EPG5: variants seen among roughly 807,000 people sequenced by gnomAD.
EPG5 encodes the protein ectopic P-granules 5 autophagy tethering factor, also known as ectopic P granules protein 5 homolog.
Under a neutral mutation model 302.7 loss-of-function variants are expected in EPG5, and 159 were observed. The observed-to-expected ratio is 0.53, with a 90% CI of 0.46 to 0.60. The LOEUF is 0.60. Among genes scored for constraint, EPG5 ranks in the 20% least tolerant of loss-of-function variants. The pLI is 0.00. For missense variants in EPG5, 2,896 were observed against 3,092.4 expected (o/e 0.94, Z 1.51); for synonymous variants, 1,158 against 1,136.8 (o/e 1.02, Z -0.37).
chr18:45,885,760 G>GA (rs1180297294), intron 29 of EPG5, among the ~76,000 whole-genome samples: 1 of 151,868 alleles, frequency 6.6e-6, no homozygotes, highest in Non-Finnish European at 1.5e-5. Context: ...AAAATTAAAG[G>GA]AAAAAAATGA....
rs1234606751 is a variant in EPG5, at chr18:45,858,860, T to C, written c.7010-78A>G. The C allele has an allele frequency of 2.6e-6, 3 of 1,141,512 alleles. No homozygotes were observed. The Admixed American group carries it at 6.6e-5, about 25-fold the overall frequency. The allele number at this position is 1,141,512 out of a possible 1,614,324, so 70.7% of individuals were successfully genotyped here. ...ACAACTCTAGCAAATATTTTCACTT[T>C]AAGCTTCATGATTTTTTTTTTTGAC... On this transcript the variant is annotated intron_variant, in intron 40 of 43. Transcript: ENST00000282041.
intron 24 of EPG5, among the ~76,000 whole-genome samples, chr18:45,906,078 C>T (rs1419409331): frequency 6.6e-6 from 1 of 152,140 alleles, no homozygotes; most frequent in Non-Finnish European, 1.5e-5. Context: ...TCCACATATC[C>T]GACTTTGCCT....
intron 1 of EPG5, among the ~76,000 whole-genome samples, chr18:45,965,523 A>T (rs2051229190): frequency 6.6e-6 from 1 of 152,230 alleles, no homozygotes; most frequent in African/African-American, 2.4e-5. Flanking sequence ...TCTACTAAGT[A>T]TGGTACCTAT....
intron 6 of EPG5, 61 bp downstream of exon 6, chr18:45,948,442 C>T: frequency 7.4e-7 from 1 of 1,356,902 alleles, no homozygotes; most frequent in Non-Finnish European, 1.1e-6. Flanking sequence ...GTTTCAGGAG[C>T]CAATCCTTTA....
intron 43 of EPG5, among the ~76,000 whole-genome samples, chr18:45,853,490 T>TA (rs2048455464): frequency 6.6e-6 from 1 of 152,230 alleles, no homozygotes; most frequent in Non-Finnish European, 1.5e-5. Context: ...TTTTCCAACT[T>TA]AACAAGCTCA....
At position 45,962,142 on chromosome 18, in the gene EPG5, A is replaced by C. The variant is rs148516815; in HGVS notation, c.63+5035T>G. On this transcript the variant is annotated intron_variant, in intron 1 of 43. Transcript: ENST00000282041. ...TGGGTGATCAATGAGTGTTTGTTTA[A>C]TAAATGAATGGCTTTTAGGAGGCAC... is the stretch of plus-strand genomic sequence containing the variant. Among the ~76,000 whole-genome samples the C allele has an allele frequency of 6.9e-3, 1,057 of 152,310 alleles. 10 individuals carry two copies. Among genetic ancestry groups the C allele is most frequent in the African/African-American group, 0.024 (993 of 41,564 alleles).
At chr18:45,837,815 C>G in the EPG5 span, 1 of 1,533,210 alleles carries the variant, frequency 6.5e-7, no homozygotes, top group Non-Finnish European at 8.7e-7. Context: ...TGACGACCGC[C>G]GCTACTTCTG....
chr18:45,908,121 T>C, intron 23 of EPG5, 40 bp from the exon 24 acceptor site: 1 of 1,446,226 alleles, frequency 6.9e-7, no homozygotes, highest in Non-Finnish European at 9.4e-7. Context: ...CATAAAAAGA[T>C]GAGCATACAA....
chr18:45,944,161 G>C (rs1156475164), intron 7 of EPG5, 42 bp from the exon 8 acceptor site: 5 of 1,248,538 alleles, frequency 4.0e-6, no homozygotes, highest in African/African-American at 1.5e-5. Context: ...GATTTGATCA[G>C]ATCACACTAT....
Position 45,949,510 on chromosome 18 carries a change from T to C in EPG5, c.1471A>G (p.Ser491Gly). The C allele has an allele frequency of 6.2e-7, 1 of 1,612,438 alleles. No individual in the cohort carries two copies. The highest frequency in any genetic ancestry group is 8.5e-7 in the Non-Finnish European group (1 of 1,178,882). ...TGGATAAAAGGAACAGCCCATTTAC[T>C]AACACCAGCGGGGCATCGAAGAATA... ...NHILRCPAGV[S>G]KWAVPFIQIK... The change falls in exon 5 of 44, where the codon AGT becomes GGT. Residue 491 changes from serine to glycine, a missense_variant. Ser to Gly is a moderately conservative substitution (Grantham distance 56, BLOSUM62 0). Coordinates refer to ENST00000282041, the MANE Select transcript of EPG5 (RefSeq NM_020964.3).
chr18:45,921,184 A>T (rs2145749634), intron 16 of EPG5, among the ~76,000 whole-genome samples: 1 of 152,360 alleles, frequency 6.6e-6, no homozygotes, highest in African/African-American at 2.4e-5. Flanking sequence ...AAGGAAAGCT[A>T]TCAAACAATT....
the EPG5 span, among the ~76,000 whole-genome samples, chr18:45,810,622 A>T: frequency 1.1e-4 from 16 of 152,280 alleles, no homozygotes; most frequent in South Asian, 3.3e-3. Context: ...CTCTACTAAA[A>T]ATACAAAAAT....
chr18:45,944,700 A>G (rs1164651768), intron 7 of EPG5, among the ~76,000 whole-genome samples: 1 of 151,914 alleles, frequency 6.6e-6, no homozygotes, highest in Non-Finnish European at 1.5e-5. Flanking sequence ...GGTTGCAGTG[A>G]GCCGAGATCA....
rs767301545 is a variant in EPG5, at chr18:45,922,588, C to T, written c.2851G>A (p.Ala951Thr). 4 of 1,613,858 alleles carry T rather than the reference C, an allele frequency of 2.5e-6. 1 individual carries two copies. The highest frequency in any genetic ancestry group is 2.2e-5 in the South Asian group (2 of 91,066). The change falls in exon 16 of 44, where the codon GCC becomes ACC. Residue 951 changes from alanine to threonine, a missense_variant. Physicochemically the swap from Ala to Thr is moderately conservative, Grantham distance 58. Around this residue, in one of 5 missense-constraint regions of EPG5, gnomAD observed 1,390 missense variants for 1,430.0 expected, o/e 0.97. Coordinates refer to ENST00000282041, the MANE Select transcript of EPG5 (RefSeq NM_020964.3). ...GTCTCTCCATATCGAACAATACTGG[C>T]CAAATATGAAACCTAAAACAATTAT... ...SESMKQVSYL[A>T]SIVRYGETPE...
rs564013492 is a variant in EPG5, at chr18:45,957,097, G to A, written c.64-1759C>T. On this transcript the variant is annotated intron_variant, in intron 1 of 43. Transcript: ENST00000282041. ...AAGAAATTTTAAGGCAGGCAAACAT[G>A]AGTTATACAAGCTCTTGGTTATTTT... is the stretch of plus-strand genomic sequence containing the variant. Among the ~76,000 whole-genome samples, 23 of 152,114 alleles carry A rather than the reference G, an allele frequency of 1.5e-4. No homozygotes were observed. In the East Asian group the frequency reaches 4.4e-3, roughly 29 times the overall value.
At chr18:45,803,230 A>T in the EPG5 span, among the ~76,000 whole-genome samples, 1 of 152,224 alleles carries the variant, frequency 6.6e-6, no homozygotes, top group African/African-American at 2.4e-5. Flanking sequence ...ACTATGTGAC[A>T]GTCAGTACAA....
Position 45,870,573 on chromosome 18 carries a change from G to A in EPG5, c.6219C>T (p.Phe2073=). 6.2e-7 allele frequency: 1 copy of A among 1,612,274 alleles called. No homozygotes were observed. Among genetic ancestry groups the A allele is most frequent in the Non-Finnish European group, 8.5e-7 (1 of 1,178,584 alleles). The change falls in exon 36 of 44, where the codon TTC becomes TTT. Residue 2073 remains phenylalanine, a synonymous_variant. Coordinates refer to ENST00000282041, the MANE Select transcript of EPG5 (RefSeq NM_020964.3). ...LHPDQMLMEA[F]FKVERGSPKS... is the part of the protein sequence containing the mutation. The stretch of plus-strand genomic sequence containing the variant: ...CCGGGAATGAAGGGCTTACTTTGAA[G>A]AAGGCCTCCATGAGCATCTGGTCAG...
intron 28 of EPG5, among the ~76,000 whole-genome samples, chr18:45,889,521 ATTT>A (rs1951858317): frequency 6.6e-6 from 1 of 152,102 alleles, no homozygotes; most frequent in African/African-American, 2.4e-5. Context: ...GATAGTTAAT[ATTT>A]TCTGCTTTAT....
chr18:45,832,646 C>T, the EPG5 span, among the ~76,000 whole-genome samples: 1 of 152,166 alleles, frequency 6.6e-6, no homozygotes, highest in African/African-American at 2.4e-5. Flanking sequence ...TGTGGGTCTC[C>T]TGATGACCCC....
Sources: allele counts gnomAD v4.1 joint callset (sites outside exome capture counted in the v4.1 genomes callset), GRCh38; gene constraint gnomAD v4.1.1; regional missense constraint gnomAD v4.1.1; transcripts MANE v1.5; gene names NCBI Gene and HGNC (gene_info 2026-07-23, HGNC 2026-07-21).